The following FARP1 variants were observed in gnomAD, a reference collection of about 807,000 sequenced individuals.
FARP1 encodes FERM, ARH/RhoGEF and pleckstrin domain protein 1.
In FARP1, 52 loss-of-function variants were observed where a neutral mutation model predicts 128.8. The ratio of observed to expected loss-of-function variants is 0.40; its 90% confidence interval spans 0.32 to 0.51. The LOEUF (loss-of-function observed/expected upper bound fraction) is 0.51. FARP1 is among the 20% of genes least tolerant of loss of function. FARP1 has a pLI of 0.45. For synonymous variants in FARP1, 580 were observed against 551.8 expected, an observed-to-expected ratio of 1.05 and a Z score of -0.72; for missense variants, 1,333 against 1,367.9, an observed-to-expected ratio of 0.97 and a Z score of 0.40.
chr13:98,318,062 C>A (rs1886808476), intron 2 of FARP1, among the ~76,000 whole-genome samples: 1 of 143,340 alleles, frequency 7.0e-6, no homozygotes, highest in South Asian at 2.3e-4. Context: ...CTTCCTTCTC[C>A]TCCTCCTTTT....
At chr13:98,394,718 T>C (rs1164248462) in intron 12 of FARP1, among the ~76,000 whole-genome samples, 1 of 152,192 alleles carries the variant, frequency 6.6e-6, no homozygotes, top group Non-Finnish European at 1.5e-5. Context: ...GAGGATTGCT[T>C]GACCCCAGGA....
In FARP1 at chr13:98,385,834, G is replaced by A; in HGVS notation, c.759+20G>A. 2.5e-6 allele frequency: 4 copies of A among 1,611,786 alleles called. No homozygotes were observed. Among genetic ancestry groups the A allele is most frequent in the Non-Finnish European group, 2.5e-6 (3 of 1,178,836 alleles). ...TTTCAGGTGAGAGCCTTGAGAACAC[G>A]GCCTGGTTCCCTTGGTGACAGAGAG... is the stretch of plus-strand genomic sequence containing the variant. On this transcript the variant is annotated intron_variant, in intron 8 of 26. Coordinates refer to ENST00000319562, the MANE Select transcript of FARP1 (RefSeq NM_005766.4).
At chr13:98,287,589 C>T (rs1885246106) in intron 2 of FARP1, among the ~76,000 whole-genome samples, 1 of 152,068 alleles carries the variant, frequency 6.6e-6, no homozygotes, top group Non-Finnish European at 1.5e-5. Flanking sequence ...CCAGATTCTA[C>T]TTGACTGATT....
At chr13:98,386,094 C>A in intron 8 of FARP1, 1 of 332,666 alleles carries the variant, frequency 3.0e-6, no homozygotes, top group Admixed American at 4.6e-5. Context: ...CATGGACCTA[C>A]ACTTAGAACA....
chr13:98,199,977 G>A (rs760059474), intron 1 of FARP1, among the ~76,000 whole-genome samples: 3 of 152,002 alleles, frequency 2.0e-5, no homozygotes, highest in Admixed American at 6.6e-5. Context: ...TTCTCTTCTG[G>A]TAATTTTCAC....
intron 6 of FARP1, chr13:98,381,442 T>C (rs1308113543): frequency 6.6e-6 from 1 of 152,244 alleles, no homozygotes; most frequent in Non-Finnish European, 1.5e-5. Context: ...CTTGAATGCA[T>C]AGAGTCTTTA....
intron 16 of FARP1, among the ~76,000 whole-genome samples, chr13:98,415,970 T>TA (rs2140130626): frequency 6.6e-6 from 1 of 152,392 alleles, no homozygotes; most frequent in East Asian, 1.9e-4. Context: ...TGCAGGGTGT[T>TA]ACGCAAATGG....
At chr13:98,382,502 G>C (rs1889922659) in intron 6 of FARP1, 1 of 150,244 alleles carries the variant, frequency 6.7e-6, no homozygotes, top group African/African-American at 2.5e-5. Flanking sequence ...AAGATTCATA[G>C]GAATTAAGAA....
intron 1 of FARP1, among the ~76,000 whole-genome samples, chr13:98,204,573 A>G (rs954254157): frequency 9.3e-6 from 1 of 108,072 alleles, no homozygotes; most frequent in African/African-American, 2.6e-5. Context: ...TCATTCTTTC[A>G]CCATTTACCT....
intron 3 of FARP1, among the ~76,000 whole-genome samples, chr13:98,355,003 G>A (rs1196949313): frequency 6.6e-6 from 1 of 152,120 alleles, no homozygotes; most frequent in African/African-American, 2.4e-5. Flanking sequence ...TATTTAATTG[G>A]TAATATTCTG....
At chr13:98,442,597 A>G (rs1472734927) in intron 24 of FARP1, among the ~76,000 whole-genome samples, 6 of 152,330 alleles carry the variant, frequency 3.9e-5, no homozygotes, top group African/African-American at 1.4e-4. Context: ...GAAGAGCACT[A>G]AACATTCTTC....
At chr13:98,225,377 C>T (rs1338209565) in intron 2 of FARP1, among the ~76,000 whole-genome samples, 3 of 152,176 alleles carry the variant, frequency 2.0e-5, no homozygotes, top group Admixed American at 1.3e-4. Flanking sequence ...TGGACTCGCA[C>T]CATTCCTCTG....
Position 98,450,045 on chromosome 13 carries a change from G to GATTGAT in FARP1, c.*1729_*1734dup, listed in dbSNP as rs1555299401. 1 of 152,074 alleles carries GATTGAT rather than the reference G, an allele frequency of 6.6e-6. No individual in the cohort carries two copies. Among genetic ancestry groups the GATTGAT allele is most frequent in the Non-Finnish European group, 1.5e-5 (1 of 68,020 alleles). 9.4% of individuals were successfully genotyped at this position (152,074 alleles called of 1,614,324 possible). The stretch of plus-strand genomic sequence containing the variant: ...CTCAGCTATTTATTTCTGAATGATT[G>GATTGAT]ATTGATTCCAAACTACTTGCTGGAC... On this transcript the variant is annotated 3_prime_UTR_variant, in exon 27 of 27. Coordinates refer to ENST00000319562, the MANE Select transcript of FARP1 (RefSeq NM_005766.4).
At chr13:98,170,332 C>T (rs528786288) in intron 1 of FARP1, among the ~76,000 whole-genome samples, 7 of 149,434 alleles carry the variant, frequency 4.7e-5, no homozygotes, top group Non-Finnish European at 1.0e-4. Flanking sequence ...TACAGGCATG[C>T]GCCACCATGC....
chr13:98,217,570 C>T (rs909806762), intron 2 of FARP1, among the ~76,000 whole-genome samples: 1 of 152,222 alleles, frequency 6.6e-6, no homozygotes, highest in Admixed American at 6.5e-5. Flanking sequence ...GCCTGAGGAT[C>T]AAGTGTGGGC....
intron 17 of FARP1, among the ~76,000 whole-genome samples, chr13:98,427,098 G>A (rs900450446): frequency 2.0e-5 from 3 of 151,994 alleles, no homozygotes; most frequent in African/African-American, 7.3e-5. Context: ...TTCTCTGGGT[G>A]TTGACAAATA....
chr13:98,437,967 G>A (rs1892353699), intron 19 of FARP1: 1 of 940,856 alleles, frequency 1.1e-6, no homozygotes, highest in African/African-American at 1.6e-5. Flanking sequence ...ACCCTGAGCA[G>A]AATGGGAAGG....
chr13:98,252,732 T>C (rs1883403697), intron 2 of FARP1, among the ~76,000 whole-genome samples: 2 of 152,190 alleles, frequency 1.3e-5, no homozygotes, highest in African/African-American at 4.8e-5. Flanking sequence ...GGACCTGAAA[T>C]TGGATGTAAG....
intron 24 of FARP1, among the ~76,000 whole-genome samples, chr13:98,443,909 GT>G (rs1215758894): frequency 6.6e-6 from 1 of 152,198 alleles, no homozygotes; most frequent in African/African-American, 2.4e-5. Flanking sequence ...AGGCCAGGGA[GT>G]GGCGGGCACG....
Sources: gnomAD v4.1 joint callset for allele counts (sites outside exome capture counted in the v4.1 genomes callset) on GRCh38, gnomAD v4.1.1 for gene constraint, MANE v1.5 for transcripts, NCBI Gene and HGNC (gene_info 2026-07-23, HGNC 2026-07-21) for gene names.